Variants in ITGA6 observed in about 807,000 individuals in gnomAD.
ITGA6 encodes integrin subunit alpha 6, also known as integrin alpha-6.
Under a neutral mutation model 133.6 loss-of-function variants are expected in ITGA6, and 63 were observed. The observed-to-expected ratio is 0.47, with a 90% confidence interval of 0.38 to 0.58. The LOEUF (loss-of-function observed/expected upper bound fraction) is 0.58. Ranked by LOEUF, ITGA6 falls within the 20% of genes least tolerant of loss-of-function variation. The probability of loss-of-function intolerance (pLI) is 0.00; values close to 1 mark genes in which losing one functional copy is unlikely to be tolerated. For missense variants in ITGA6, 1,068 were observed against 1,309.4 expected (o/e 0.82, Z 2.85); for synonymous variants, 434 against 482.0 (o/e 0.90, Z 1.30).
chr2:172,461,519 C>T (rs2149030713), intron 1 of ITGA6, among the ~76,000 whole-genome samples: 1 of 152,334 alleles, frequency 6.6e-6, no homozygotes, highest in East Asian at 1.9e-4. Flanking sequence ...ACTCATATCC[C>T]TTGGTCCCTG....
chr2:172,488,592 A>C (rs1686789792), intron 19 of ITGA6, among the ~76,000 whole-genome samples: 1 of 152,194 alleles, frequency 6.6e-6, no homozygotes, highest in Non-Finnish European at 1.5e-5. Flanking sequence ...TGCCTGTAGG[A>C]AAGGCAGTGA....
At chr2:172,459,365 G>A (rs1448891549) in intron 1 of ITGA6, among the ~76,000 whole-genome samples, 4 of 152,168 alleles carry the variant, frequency 2.6e-5, no homozygotes, top group Non-Finnish European at 5.9e-5. Flanking sequence ...GTAGCCAGGC[G>A]TGATGGCACA....
chr2:172,480,501 C>A (rs755385649), intron 11 of ITGA6, among the ~76,000 whole-genome samples: 4 of 152,120 alleles, frequency 2.6e-5, no homozygotes, highest in Non-Finnish European at 5.9e-5. Context: ...CTTCCCCACG[C>A]CCCTCCCTCC....
At chr2:172,494,202 T>C (rs947083247) in intron 23 of ITGA6, among the ~76,000 whole-genome samples, 1 of 152,222 alleles carries the variant, frequency 6.6e-6, no homozygotes, top group Admixed American at 6.5e-5. Context: ...TTTTTGTTTC[T>C]TTATAACCCC....
chr2:172,484,779 T>C lies in ITGA6; in HGVS notation c.1550-3T>C, dbSNP rs1390463381. On this transcript the variant is annotated splice_region_variant and splice_polypyrimidine_tract_variant and intron_variant, in intron 11 of 25. Coordinates refer to ENST00000684293, the MANE Select transcript of ITGA6 (RefSeq NM_000210.4). ...ACGTTAATATGATTTTAATTTTATCTAGCAATTGTGGGCACACTTGAAGCT... is the reference window on the plus strand; with the variant it reads ...ACGTTAATATGATTTTAATTTTATCCAGCAATTGTGGGCACACTTGAAGCT... The C allele has an allele frequency of 6.2e-7, 1 of 1,613,322 alleles. No homozygotes were observed. The highest frequency in any genetic ancestry group is 1.3e-5 in the African/African-American group (1 of 74,934).
chr2:172,487,743 G>A lies in ITGA6; in HGVS notation c.2260G>A (p.Val754Ile). The change falls in exon 17 of 26, where the codon GTT (valine) becomes ATT (isoleucine). Residue 754 changes from valine to isoleucine, a missense_variant. Physicochemically the swap from Val to Ile is conservative, Grantham distance 29 (BLOSUM62 3). This residue lies in a region of ITGA6 where 609 missense variants were observed against 707.2 expected (regional missense o/e 0.86). Coordinates refer to ENST00000684293, the MANE Select transcript of ITGA6 (RefSeq NM_000210.4). The stretch of plus-strand genomic sequence containing the variant: ...GTTTTTTTAGGTCACTTTTTATTTG[G>A]TTTTAAGTACAACTGAAGTCACCTT... ...KRNSNVTFYLVLSTTEVTFDT... is the reference protein window; with the variant it reads ...KRNSNVTFYLILSTTEVTFDT... 4 of 1,612,336 alleles carry A rather than the reference G, an allele frequency of 2.5e-6. No homozygotes were observed. Among genetic ancestry groups the A allele is most frequent in the Non-Finnish European group, 3.4e-6 (4 of 1,178,480 alleles).
intron 11 of ITGA6, among the ~76,000 whole-genome samples, chr2:172,484,431 G>C (rs1028411654): frequency 2.0e-5 from 3 of 152,192 alleles, no homozygotes; most frequent in Non-Finnish European, 4.4e-5. Flanking sequence ...TTAGGTGCTC[G>C]GGGGAGTGTT....
chr2:172,482,083 A>G (rs1428290742), intron 11 of ITGA6, among the ~76,000 whole-genome samples: 1 of 152,216 alleles, frequency 6.6e-6, no homozygotes, highest in Non-Finnish European at 1.5e-5. Flanking sequence ...GTGAAATATC[A>G]TCAGAGCACT....
chr2:172,436,361 A>G (rs914204768), intron 1 of ITGA6, among the ~76,000 whole-genome samples: 3 of 152,242 alleles, frequency 2.0e-5, no homozygotes, highest in Admixed American at 6.5e-5. Context: ...GCCAGCTTAG[A>G]AAAGCACCTT....
intron 1 of ITGA6, among the ~76,000 whole-genome samples, chr2:172,436,824 A>ATG (rs2148996901): frequency 6.6e-6 from 1 of 152,310 alleles, no homozygotes; most frequent in South Asian, 2.1e-4. Context: ...ATCCCTGCCT[A>ATG]TGTTCTGATC....
intron 1 of ITGA6, among the ~76,000 whole-genome samples, chr2:172,440,324 A>G (rs1484631175): frequency 6.6e-6 from 1 of 152,240 alleles, no homozygotes; most frequent in East Asian, 1.9e-4. Context: ...AAAGGCTTTT[A>G]GAGAACAGGA....
At position 172,504,262 on chromosome 2, in the gene ITGA6, A is replaced by G; in HGVS notation, c.*194A>G. On this transcript the variant is annotated 3_prime_UTR_variant, in exon 26 of 26. Coordinates refer to ENST00000684293, the MANE Select transcript of ITGA6 (RefSeq NM_000210.4). ...TGAAAGCTACTCATAGCGGGGGCCTAAAAAAAAAAAGCTTCACAGTACCCA... is the reference window on the plus strand; with the variant it reads ...TGAAAGCTACTCATAGCGGGGGCCTGAAAAAAAAAAGCTTCACAGTACCCA... 1 of 617,638 alleles carries G rather than the reference A, an allele frequency of 1.6e-6. No homozygotes were observed. The highest frequency in any genetic ancestry group is 2.2e-6 in the Non-Finnish European group (1 of 459,136). The allele number at this position is 617,638 out of a possible 1,614,324, so 38.3% of individuals were successfully genotyped here.
In ITGA6 at chr2:172,506,057, GTCATC is replaced by G. The variant is rs1312580964; in HGVS notation, c.*1993_*1997del. ...GTTTAGATTTATGGTTGTTAAAAAT[GTCATC>G]TCAAGTCAAGTCACTGGTCTGTTTG... is the stretch of plus-strand genomic sequence containing the variant. On this transcript the variant is annotated 3_prime_UTR_variant, in exon 26 of 26. Coordinates refer to ENST00000684293, the MANE Select transcript of ITGA6 (RefSeq NM_000210.4). 3.3e-5 allele frequency: 5 copies of G among 152,716 alleles called. No individual in the cohort carries two copies. The East Asian group carries it at 9.6e-4, about 29-fold the overall frequency. The allele number at this position is 152,716 out of a possible 1,614,324, so 9.5% of individuals were successfully genotyped here.
chr2:172,486,891 T>C (rs993775866), intron 13 of ITGA6, 132 bp from the exon 14 acceptor site: 4 of 698,362 alleles, frequency 5.7e-6, no homozygotes, highest in African/African-American at 3.5e-5. Flanking sequence ...GCAAAGTACA[T>C]TTAAAGCTTG....
intron 1 of ITGA6, among the ~76,000 whole-genome samples, chr2:172,464,737 A>G (rs138562605): frequency 0.015 from 2,296 of 152,300 alleles, 31 homozygotes; most frequent in South Asian, 0.056. Context: ...AGAAGAAGGA[A>G]TATTACAGTG....
chr2:172,452,497 T>A (rs926003826), intron 1 of ITGA6, among the ~76,000 whole-genome samples: 5 of 152,188 alleles, frequency 3.3e-5, no homozygotes, highest in African/African-American at 1.2e-4. Flanking sequence ...GGGCAGCATT[T>A]GCACAGTGTG....
chr2:172,492,802 G>A (rs1279131913), intron 23 of ITGA6, among the ~76,000 whole-genome samples: 3 of 152,198 alleles, frequency 2.0e-5, no homozygotes, highest in African/African-American at 7.2e-5. Flanking sequence ...AAATGTTCTG[G>A]CTTCAGTCAT....
intron 1 of ITGA6, among the ~76,000 whole-genome samples, chr2:172,445,941 G>A (rs993326827): frequency 6.6e-6 from 1 of 152,216 alleles, no homozygotes; most frequent in African/African-American, 2.4e-5. Flanking sequence ...TTTGTCACAC[G>A]TCCTATTCAG....
chr2:172,479,241 G>C (rs1042780049), intron 9 of ITGA6, among the ~76,000 whole-genome samples: 5 of 152,102 alleles, frequency 3.3e-5, no homozygotes, highest in African/African-American at 1.2e-4. Context: ...GCCACATACA[G>C]AACAATGGCA....
Sources: allele counts gnomAD v4.1 joint callset (sites outside exome capture counted in the v4.1 genomes callset), GRCh38; gene constraint gnomAD v4.1.1; regional missense constraint gnomAD v4.1.1; transcripts MANE v1.5; gene names NCBI Gene and HGNC (gene_info 2026-07-23, HGNC 2026-07-21).